The following IRAK3 variants were observed in gnomAD, a reference collection of about 807,000 sequenced individuals.
IRAK3 encodes the protein interleukin-1 receptor-associated kinase 3.
Under a neutral mutation model 56.6 loss-of-function variants are expected in IRAK3, and 57 were observed. The observed-to-expected ratio is 1.01, with a 90% CI of 0.81 to 1.26. The LOEUF is 1.26. Among genes scored for constraint, IRAK3 ranks in the 50% most tolerant of loss-of-function variants. The pLI is 0.00. For synonymous variants in IRAK3, 258 were observed against 255.7 expected, an observed-to-expected ratio of 1.01 and a Z score of -0.09; for missense variants, 703 against 719.0, an observed-to-expected ratio of 0.98 and a Z score of 0.25.
chr12:66,197,339 C>T lies in IRAK3; in HGVS notation c.134-6372C>T, dbSNP rs2052464090. The stretch of plus-strand genomic sequence containing the variant: ...AAGTCCTATATTCTGAAAGGGGACA[C>T]GTAAGGGAGAGTTGAAGAAAATGAT... On this transcript the variant is annotated intron_variant, in intron 1 of 11. Coordinates refer to ENST00000261233, the MANE Select transcript of IRAK3 (RefSeq NM_007199.3). The T allele has an allele frequency of 2.9e-6, 3 of 1,024,654 alleles. No individual in the cohort carries two copies. In the African/African-American group the frequency reaches 5.1e-5, roughly 17 times the overall value. The allele number at this position is 1,024,654 out of a possible 1,614,324, so 63.5% of individuals were successfully genotyped here.
chr12:66,205,104 A>G (rs2052546530), intron 2 of IRAK3, among the ~76,000 whole-genome samples: 1 of 152,150 alleles, frequency 6.6e-6, no homozygotes, highest in Non-Finnish European at 1.5e-5. Flanking sequence ...CACTGAAACC[A>G]CCCACATGGC....
intron 1 of IRAK3, among the ~76,000 whole-genome samples, chr12:66,192,730 C>T (rs2052411161): frequency 6.6e-6 from 1 of 151,974 alleles, no homozygotes; most frequent in Non-Finnish European, 1.5e-5. Context: ...AATAATAAAG[C>T]TACCTCCTGT....
At chr12:66,241,586 C>T (rs1565811706) in intron 8 of IRAK3, among the ~76,000 whole-genome samples, 1 of 152,180 alleles carries the variant, frequency 6.6e-6, no homozygotes, top group African/African-American at 2.4e-5. Flanking sequence ...TTTCCGCTTT[C>T]CTAAAACAGA....
rs747165880 is a variant in IRAK3, at chr12:66,254,038, G to A, written c.*5867G>A. The A allele has an allele frequency of 1.1e-4, 16 of 152,024 alleles. No individual in the cohort carries two copies. The highest frequency in any genetic ancestry group is 2.4e-4 in the Non-Finnish European group (16 of 68,000). The allele number at this position is 152,024 out of a possible 1,614,324, so 9.4% of individuals were successfully genotyped here. On this transcript the variant is annotated 3_prime_UTR_variant, in exon 12 of 12. Transcript: ENST00000261233. ...ATTATTAATTTTGTCCTCCCATATT[G>A]GCAAAGATAAAGCAATTGACAAAAA...
intron 1 of IRAK3, among the ~76,000 whole-genome samples, chr12:66,190,873 C>CGAA (rs2052392597): frequency 6.6e-6 from 1 of 152,194 alleles, no homozygotes; most frequent in Non-Finnish European, 1.5e-5. Flanking sequence ...CTACACTTCT[C>CGAA]CCCTTACTGC....
At chr12:66,212,041 G>C (rs1014841605) in intron 5 of IRAK3, among the ~76,000 whole-genome samples, 1 of 149,272 alleles carries the variant, frequency 6.7e-6, no homozygotes, top group Admixed American at 6.8e-5. Context: ...AGCACAGGAA[G>C]AAGAGGCTGC....
chr12:66,222,172 G>A (rs2052740886), intron 6 of IRAK3, among the ~76,000 whole-genome samples: 1 of 152,148 alleles, frequency 6.6e-6, no homozygotes, highest in South Asian at 2.1e-4. Flanking sequence ...TGATATGAGG[G>A]TAATGCTGGC....
At chr12:66,212,343 C>T (rs556645748) in intron 5 of IRAK3, among the ~76,000 whole-genome samples, 1 of 152,224 alleles carries the variant, frequency 6.6e-6, no homozygotes, top group South Asian at 2.1e-4. Context: ...AACCAACAAA[C>T]AGAGTAGGAG....
chr12:66,206,206 C>T (rs1029821275), intron 2 of IRAK3, among the ~76,000 whole-genome samples: 10 of 152,138 alleles, frequency 6.6e-5, no homozygotes, highest in Non-Finnish European at 1.3e-4. Context: ...TTTTTTTCTA[C>T]ACAAATTCAG....
At chr12:66,247,065 T>C (rs573329880) in intron 11 of IRAK3, among the ~76,000 whole-genome samples, 1 of 151,726 alleles carries the variant, frequency 6.6e-6, no homozygotes. Flanking sequence ...AGGTCAGGAG[T>C]TTGAAACCAG....
At position 66,236,875 on chromosome 12, in the gene IRAK3, G is replaced by A. The variant is rs375700934; in HGVS notation, c.888-7611G>A. ...TGAGGTCAGATATGTTTAGGGAGGC[G>A]CCTCCAGCCACCTGCCCACTCTGGA... On this transcript the variant is annotated intron_variant, in intron 8 of 11. Coordinates refer to ENST00000261233, the MANE Select transcript of IRAK3 (RefSeq NM_007199.3). Among the ~76,000 whole-genome samples the A allele has an allele frequency of 3.9e-5, 6 of 152,208 alleles. No homozygotes were observed. In the East Asian group the frequency reaches 5.8e-4, roughly 15 times the overall value.
intron 1 of IRAK3, among the ~76,000 whole-genome samples, chr12:66,189,738 T>G (rs1410651328): frequency 6.6e-6 from 1 of 152,210 alleles, no homozygotes; most frequent in Non-Finnish European, 1.5e-5. Flanking sequence ...CCACCCTCAC[T>G]GGGTTCGCAA....
intron 6 of IRAK3, among the ~76,000 whole-genome samples, chr12:66,220,525 T>C (rs2052721061): frequency 7.6e-6 from 1 of 131,234 alleles, no homozygotes. Flanking sequence ...TTTTTTTTTT[T>C]TTTTTTTTTT....
intron 8 of IRAK3, among the ~76,000 whole-genome samples, chr12:66,233,768 CTTTTCTTTTTTCT>C (rs2052870685): frequency 6.7e-6 from 1 of 149,886 alleles, no homozygotes; most frequent in African/African-American, 2.4e-5. Context: ...TTGAAGTTTT[CTTTTCTTTTTTCT>C]TTTTCTTTTT....
At position 66,244,675 on chromosome 12, in the gene IRAK3, C is replaced by A. The variant is rs1247855562; in HGVS notation, c.1077C>A (p.Ser359Arg). 1 of 1,612,992 alleles carries A rather than the reference C, an allele frequency of 6.2e-7. No homozygotes were observed. The highest frequency in any genetic ancestry group is 1.7e-5 in the Admixed American group (1 of 60,030). ...TTTCCATTAAAACAGATGTCTACAG[C>A]TTTGGAATTGTGAGTACCAACTGCC... ...GKLSIKTDVY[S>R]FGIVIMEVLT... is the part of the protein sequence containing the mutation. Residue 359 changes from serine to arginine, a missense_variant, in exon 9 of 12, where the codon AGC becomes AGA. Transcript: ENST00000261233.
chr12:66,226,756 A>T lies in IRAK3; in HGVS notation c.687A>T (p.Ala229=). ...ACCCAAACATACTAGAGTTGGCTGC[A>T]TATTTTACAGAGACTGAGAAGTTCT... The part of the protein sequence containing the change: ...FHHPNILELA[A]YFTETEKFCL... The change falls in exon 7 of 12, where the codon GCA becomes GCT. Residue 229 remains alanine, a synonymous_variant. Transcript: ENST00000261233. 6.2e-7 allele frequency: 1 copy of T among 1,610,436 alleles called. No individual in the cohort carries two copies. Among genetic ancestry groups the T allele is most frequent in the East Asian group, 2.2e-5 (1 of 44,858 alleles).
At chr12:66,215,789 C>CGT (rs1565804017) in intron 5 of IRAK3, among the ~76,000 whole-genome samples, 15 of 27,808 alleles carry the variant, frequency 5.4e-4, no homozygotes, top group African/African-American at 1.4e-3. Flanking sequence ...CCAACATGCA[C>CGT]ACACACACAC....
chr12:66,200,037 A>G (rs1230024973), intron 1 of IRAK3, among the ~76,000 whole-genome samples: 7 of 152,220 alleles, frequency 4.6e-5, no homozygotes, highest in African/African-American at 7.2e-5. Flanking sequence ...CAATGATGTC[A>G]GACATTTTAT....
chr12:66,208,969 A>C (rs531461786), intron 2 of IRAK3, among the ~76,000 whole-genome samples: 3 of 151,534 alleles, frequency 2.0e-5, no homozygotes, highest in Admixed American at 2.0e-4. Context: ...TGGGAGGCTG[A>C]GGCAGGAGAA....
Sources: gnomAD v4.1 joint callset for allele counts (sites outside exome capture counted in the v4.1 genomes callset) on GRCh38, gnomAD v4.1.1 for gene constraint, MANE v1.5 for transcripts, NCBI Gene and HGNC (gene_info 2026-07-23, HGNC 2026-07-21) for gene names.